RIGI: variants seen among roughly 807,000 people sequenced by gnomAD.
RIGI encodes antiviral innate immune response receptor RIG-I.
chr9:32,477,819 G>C, the RIGI span, among the ~76,000 whole-genome samples: 1 of 151,992 alleles, frequency 6.6e-6, no homozygotes, highest in African/African-American at 2.4e-5. Flanking sequence ...CAGCTCCTCA[G>C]GAGGATGAGG....
At chr9:32,526,087 C>T in the RIGI span, 1 of 1,613,902 alleles carries the variant, frequency 6.2e-7, no homozygotes, top group Admixed American at 1.7e-5. Context: ...GGCCATGTAG[C>T]TCAGGATGTA....
At chr9:32,516,593 T>C in the RIGI span, among the ~76,000 whole-genome samples, 2 of 152,210 alleles carry the variant, frequency 1.3e-5, no homozygotes, top group African/African-American at 2.4e-5. Flanking sequence ...CACTGGCATC[T>C]GGATAAGTGA....
chr9:32,471,866 G>C, the RIGI span, among the ~76,000 whole-genome samples: 4 of 152,136 alleles, frequency 2.6e-5, no homozygotes, highest in Non-Finnish European at 5.9e-5. Context: ...CACTTTTTAA[G>C]ATCTGAATCT....
At chr9:32,455,848 C>T in the RIGI span, 3 of 152,090 alleles carry the variant, frequency 2.0e-5, no homozygotes, top group East Asian at 5.8e-4. Context: ...CAGTATTATC[C>T]TTGTTTTACA....
the RIGI span, among the ~76,000 whole-genome samples, chr9:32,521,818 A>C: frequency 6.6e-6 from 1 of 152,084 alleles, no homozygotes; most frequent in Non-Finnish European, 1.5e-5. Context: ...AGTAATGATG[A>C]TTATTATGTT....
chr9:32,475,098 C>T, the RIGI span, among the ~76,000 whole-genome samples: 1 of 152,076 alleles, frequency 6.6e-6, no homozygotes, highest in African/African-American at 2.4e-5. Flanking sequence ...ATTACAGGTG[C>T]AAGCCACCAC....
chr9:32,508,239 A>ATTTCT, the RIGI span, among the ~76,000 whole-genome samples: 10 of 70,338 alleles, frequency 1.4e-4, 1 homozygote, highest in African/African-American at 5.9e-4. Context: ...TATTTACTTA[A>ATTTCT]TTTTTTTTTT....
chr9:32,518,170 C>A, the RIGI span, among the ~76,000 whole-genome samples: 1 of 151,984 alleles, frequency 6.6e-6, no homozygotes, highest in Non-Finnish European at 1.5e-5. Context: ...AAAATTTTAT[C>A]TAACTCAGAA....
the RIGI span, among the ~76,000 whole-genome samples, chr9:32,481,990 G>A: frequency 6.6e-6 from 1 of 152,198 alleles, no homozygotes; most frequent in East Asian, 1.9e-4. Context: ...AAAGGTGGAA[G>A]CAGGGTACCT....
At chr9:32,500,019 T>C in the RIGI span, among the ~76,000 whole-genome samples, 1 of 152,346 alleles carries the variant, frequency 6.6e-6, no homozygotes, top group Non-Finnish European at 1.5e-5. Flanking sequence ...ATGTCTAATA[T>C]ATCAGGTTTC....
chr9:32,500,820 C>T, the RIGI span: 26 of 1,614,104 alleles, frequency 1.6e-5, no homozygotes, highest in Non-Finnish European at 2.2e-5. Flanking sequence ...TGGTCTAGGG[C>T]ATCCAAAAAG....
the RIGI span, chr9:32,488,672 C>T: frequency 6.9e-7 from 1 of 1,442,306 alleles, no homozygotes; most frequent in Non-Finnish European, 9.2e-7. Context: ...AAAAACAAAA[C>T]AGAAAACACA....
At chr9:32,495,235 TCTGTCACCCAGG>T in the RIGI span, among the ~76,000 whole-genome samples, 3 of 152,228 alleles carry the variant, frequency 2.0e-5, no homozygotes, top group African/African-American at 7.2e-5. Flanking sequence ...AGAGTCTTGC[TCTGTCACCCAGG>T]CTAGAGTGCA....
the RIGI span, chr9:32,457,446 CAA>C: frequency 4.8e-6 from 7 of 1,463,742 alleles, no homozygotes; most frequent in Non-Finnish European, 6.5e-6. Flanking sequence ...GAATAACACA[CAA>C]AAGAGAACGT....
At chr9:32,467,154 G>T in the RIGI span, among the ~76,000 whole-genome samples, 1 of 152,152 alleles carries the variant, frequency 6.6e-6, no homozygotes, top group East Asian at 1.9e-4. Context: ...AAGTGAGGAA[G>T]TCAGGTTGGC....
At chr9:32,507,327 G>A in the RIGI span, among the ~76,000 whole-genome samples, 3 of 152,042 alleles carry the variant, frequency 2.0e-5, no homozygotes, top group Non-Finnish European at 4.4e-5. Flanking sequence ...AAGAATTGGA[G>A]GAGAAGGATA....
At chr9:32,492,377 G>A in the RIGI span, 1 of 1,613,982 alleles carries the variant, frequency 6.2e-7, no homozygotes, top group Middle Eastern at 1.6e-4. Flanking sequence ...TGTGAGGAGG[G>A]TACAGTGTCT....
the RIGI span, among the ~76,000 whole-genome samples, chr9:32,515,241 C>T: frequency 1.3e-5 from 2 of 151,202 alleles, no homozygotes; most frequent in Non-Finnish European, 2.9e-5. Flanking sequence ...CTCACTTGAA[C>T]CCAGAAGTGG....
chr9:32,472,528 G>A, the RIGI span, among the ~76,000 whole-genome samples: 1 of 152,212 alleles, frequency 6.6e-6, no homozygotes, highest in Non-Finnish European at 1.5e-5. Context: ...CAGATCAAAA[G>A]AGAGTTCACT....
Sources: gnomAD v4.1 joint callset for allele counts (sites outside exome capture counted in the v4.1 genomes callset) on GRCh38, gnomAD v4.1.1 for gene constraint, MANE v1.5 for transcripts, NCBI Gene and HGNC (gene_info 2026-07-23, HGNC 2026-07-21) for gene names.